VWA8: variants seen among roughly 807,000 people sequenced by gnomAD.
VWA8 encodes the protein von Willebrand factor A domain-containing protein 8.
In VWA8, 221 loss-of-function variants were observed where a neutral mutation model predicts 241.5. The ratio of observed to expected loss-of-function variants is 0.91; its 90% CI spans 0.82 to 1.02. VWA8 has a LOEUF of 1.02. Among genes scored for constraint, VWA8 ranks in the 50% least tolerant of loss-of-function variants. The pLI, the probability that VWA8 is intolerant of heterozygous loss-of-function variation, is 0.00. For synonymous variants in VWA8, 852 were observed against 827.1 expected (o/e 1.03, Z -0.52); for missense variants, 2,322 against 2,328.7 (o/e 1.00, Z 0.06).
Position 41,902,766 on chromosome 13 carries a change from A to G in VWA8, c.483+4820T>C, listed in dbSNP as rs531046977. On this transcript the variant is annotated intron_variant, in intron 4 of 44. Coordinates refer to ENST00000379310, the MANE Select transcript of VWA8 (RefSeq NM_015058.2). ...GTTTAAACCTCTTGCTTTATCATCA[A>G]TCATCCTTAGTTTTAGGTGAGAATT... is the stretch of plus-strand genomic sequence containing the variant. Among the ~76,000 whole-genome samples the G allele has an allele frequency of 2.6e-5, 4 of 152,282 alleles. No individual in the cohort carries two copies. In the East Asian group the frequency reaches 7.7e-4, roughly 29 times the overall value.
chr13:41,774,119 T>G (rs962768940), intron 20 of VWA8, among the ~76,000 whole-genome samples: 11 of 152,068 alleles, frequency 7.2e-5, no homozygotes, highest in African/African-American at 2.7e-4. Context: ...GGCTACTCAT[T>G]AGGAATTTAT....
intron 14 of VWA8, among the ~76,000 whole-genome samples, chr13:41,829,445 T>C (rs1566473281): frequency 6.6e-6 from 1 of 152,006 alleles, no homozygotes; most frequent in Non-Finnish European, 1.5e-5. Flanking sequence ...TGCACATTCA[T>C]GTTTATAGCA....
rs201918435 is a variant in VWA8, at chr13:41,783,837, C to T, written c.2235G>A (p.Glu745=). 2 of 1,613,556 alleles carry T rather than the reference C, an allele frequency of 1.2e-6. No homozygotes were observed. Among genetic ancestry groups the T allele is most frequent in the Middle Eastern group, 1.6e-4 (1 of 6,078 alleles). The change falls in exon 19 of 45, where the codon GAG becomes GAA. Residue 745 remains glutamate (E), a synonymous_variant. Transcript: ENST00000379310. The part of the protein sequence containing the change: ...AVSAPIYNAH[E]KMKVPDVLFY... Reference sequence around the variant, plus strand: ...AAAGAACATCAGGCACTTTCATTTTCTCATGTGCATTATAGATCGGTGCAC... The same window carrying T: ...AAAGAACATCAGGCACTTTCATTTTTTCATGTGCATTATAGATCGGTGCAC...
chr13:41,932,616 G>T (rs1160039024), intron 2 of VWA8, among the ~76,000 whole-genome samples: 2 of 151,714 alleles, frequency 1.3e-5, no homozygotes, highest in African/African-American at 4.8e-5. Flanking sequence ...TACCAAGAGG[G>T]TCTTATCCCA....
chr13:41,689,882 C>T (rs966050224), intron 33 of VWA8, among the ~76,000 whole-genome samples: 10 of 151,876 alleles, frequency 6.6e-5, no homozygotes, highest in African/African-American at 2.2e-4. Context: ...CAATAGTCTG[C>T]AGAAAAAAGA....
rs200930321 is a variant in VWA8, at chr13:41,891,543, T to A, written c.528A>T (p.Glu176Asp). 1.2e-6 allele frequency: 2 copies of A among 1,614,170 alleles called. No homozygotes were observed. Among genetic ancestry groups the A allele is most frequent in the East Asian group, 2.2e-5 (1 of 44,886 alleles). Residue 176 changes from glutamate to aspartate, a missense_variant, in exon 5 of 45, where the codon GAA (glutamate) becomes GAT (aspartate). Physicochemically the swap from Glu to Asp is conservative, Grantham distance 45. Transcript: ENST00000379310. ...CATTCCTCTCTGCCTTTTCCAAACC[T>A]TCCAAAATGAGAGTTCTGCCTTCTG... Reference protein sequence around the residue: ...AATEGRTLILEGLEKAERNVL... With the variant: ...AATEGRTLILDGLEKAERNVL...
chr13:41,739,751 T>C (rs2045551984), intron 21 of VWA8, among the ~76,000 whole-genome samples: 1 of 151,848 alleles, frequency 6.6e-6, no homozygotes, highest in African/African-American at 2.4e-5. Context: ...AAAAACAATA[T>C]ATTCTGCATT....
At chr13:41,855,576 A>G (rs1872716546) in intron 12 of VWA8, among the ~76,000 whole-genome samples, 2 of 151,902 alleles carry the variant, frequency 1.3e-5, no homozygotes, top group South Asian at 4.2e-4. Flanking sequence ...AACCAGATGT[A>G]AAAGGCACAT....
chr13:41,863,226 T>C (rs972307535), intron 12 of VWA8, among the ~76,000 whole-genome samples: 2 of 148,336 alleles, frequency 1.3e-5, no homozygotes, highest in Non-Finnish European at 2.9e-5. Context: ...TGCTGGATGC[T>C]TCCTGCCCTC....
chr13:41,576,410 A>G (rs1237535375), intron 42 of VWA8, among the ~76,000 whole-genome samples: 1 of 152,264 alleles, frequency 6.6e-6, no homozygotes, highest in East Asian at 1.9e-4. Flanking sequence ...CCCCTCAACA[A>G]TCATGGGATA....
intron 2 of VWA8, among the ~76,000 whole-genome samples, chr13:41,934,582 T>C (rs1174371161): frequency 6.6e-6 from 1 of 152,044 alleles, no homozygotes; most frequent in Non-Finnish European, 1.5e-5. Context: ...AATTGTAATA[T>C]ATCCATACAA....
At chr13:41,597,880 C>T (rs1189616732) in intron 40 of VWA8, among the ~76,000 whole-genome samples, 1 of 152,006 alleles carries the variant, frequency 6.6e-6, no homozygotes, top group Admixed American at 6.6e-5. Flanking sequence ...CTTACATCCA[C>T]ACCCAATCCA....
At chr13:41,933,895 C>T (rs75190189) in intron 2 of VWA8, among the ~76,000 whole-genome samples, 2,687 of 151,896 alleles carry the variant, frequency 0.018, 86 homozygotes, top group African/African-American at 0.06. Context: ...TTGTGACCCT[C>T]GGTTAACAAA....
At chr13:41,863,186 T>TATATATATATATACACACACACACACACA (rs1566485232) in intron 12 of VWA8, among the ~76,000 whole-genome samples, 4 of 151,144 alleles carry the variant, frequency 2.6e-5, no homozygotes, top group African/African-American at 7.3e-5. Context: ...GCAAGACGGG[T>TATATATATATATACACACACACACACACA]CTAGCCTCCC....
chr13:41,778,832 CTTTTTTTTTTTTT>C (rs71096543), intron 19 of VWA8, among the ~76,000 whole-genome samples: 3 of 82,674 alleles, frequency 3.6e-5, no homozygotes, highest in African/African-American at 4.8e-5. Context: ...CAGTACGTCA[CTTTTTTTTTTTTT>C]TTTTTTTTTT....
intron 43 of VWA8, among the ~76,000 whole-genome samples, chr13:41,571,328 G>GGCTCCC (rs2044301768): frequency 1.0e-5 from 1 of 98,462 alleles, no homozygotes. Flanking sequence ...TCCCTCTCCC[G>GGCTCCC]TCTCCCTCTC....
At chr13:41,860,240 G>A (rs540757495) in intron 12 of VWA8, among the ~76,000 whole-genome samples, 4 of 152,066 alleles carry the variant, frequency 2.6e-5, no homozygotes, top group Non-Finnish European at 5.9e-5. Context: ...AAAAATTAAT[G>A]AGCAGAGAAG....
intron 40 of VWA8, among the ~76,000 whole-genome samples, chr13:41,597,569 G>T (rs1331718296): frequency 1.3e-5 from 2 of 152,038 alleles, no homozygotes; most frequent in Non-Finnish European, 2.9e-5. Flanking sequence ...CTTGGATGGT[G>T]ATGTGGAACT....
chr13:41,831,110 G>C (rs539381926), intron 13 of VWA8, among the ~76,000 whole-genome samples: 1 of 152,248 alleles, frequency 6.6e-6, no homozygotes, highest in African/African-American at 2.4e-5. Flanking sequence ...CTCTACATAT[G>C]GCAACTCTGA....
Sources: allele counts gnomAD v4.1 joint callset (sites outside exome capture counted in the v4.1 genomes callset), GRCh38; gene constraint gnomAD v4.1.1; transcripts MANE v1.5; gene names NCBI Gene and HGNC (gene_info 2026-07-23, HGNC 2026-07-21).